Variants in RIN2 observed in about 807,000 individuals in gnomAD.
The protein encoded by RIN2 is RAB5 interacting protein 2.
In RIN2, 36 loss-of-function variants were observed where a neutral mutation model predicts 78.0. The observed-to-expected ratio is 0.46, with a 90% CI of 0.35 to 0.61. The LOEUF is 0.61. Ranked by LOEUF, RIN2 falls within the 20% of genes least tolerant of loss-of-function variation. The pLI is 0.00. For missense variants in RIN2, 1,087 were observed against 1,159.7 expected, an observed-to-expected ratio of 0.94 and a Z score of 0.91; for synonymous variants, 466 against 466.8, an observed-to-expected ratio of 1.00 and a Z score of 0.02.
At chr20:19,930,697 G>A (rs559101641) in intron 3 of RIN2, among the ~76,000 whole-genome samples, 1 of 152,122 alleles carries the variant, frequency 6.6e-6, no homozygotes, top group Non-Finnish European at 1.5e-5. Context: ...CCACAGCCAC[G>A]GTCCAGAATG....
At chr20:19,788,602 G>GAA (rs34183798) in intron 1 of RIN2, among the ~76,000 whole-genome samples, 1 of 121,862 alleles carries the variant, frequency 8.2e-6, no homozygotes. Flanking sequence ...ACTTTGTCTC[G>GAA]AAAAAAAAAA....
rs1190885243 is a variant in RIN2 at position 19,990,307 on chromosome 20, C to T, written c.2064C>T (p.Asn688=). The T allele has an allele frequency of 3.1e-6, 5 of 1,606,418 alleles. No individual in the cohort carries two copies. The highest frequency in any genetic ancestry group is 4.3e-6 in the Non-Finnish European group (5 of 1,174,202). Residue 688 remains asparagine (N), a synonymous_variant, in exon 10 of 13, where the codon AAC becomes AAT. Transcript: ENST00000255006. The part of the protein sequence containing the change: ...CKLIYTVMEN[N]SGRMYGADDF... ...TCATTTACACGGTCATGGAGAACAACTCAGGTGAGGCCGCTGGAAGCCCAG... is the reference window on the plus strand; with the variant it reads ...TCATTTACACGGTCATGGAGAACAATTCAGGTGAGGCCGCTGGAAGCCCAG...
intron 2 of RIN2, among the ~76,000 whole-genome samples, chr20:19,818,856 G>A (rs17299635): frequency 0.022 from 3,395 of 151,896 alleles, 53 homozygotes; most frequent in South Asian, 0.054. Flanking sequence ...AAAAGTAACC[G>A]AAACATTCAT....
At chr20:19,886,512 G>A (rs1054947036) in intron 2 of RIN2, 14 of 566,596 alleles carry the variant, frequency 2.5e-5, no homozygotes, top group Admixed American at 1.6e-4. Context: ...GACCAGCTCC[G>A]TTTACATTCT....
intron 2 of RIN2, among the ~76,000 whole-genome samples, chr20:19,822,633 ACACTAATGAG>A (rs1239147092): frequency 6.9e-6 from 1 of 145,744 alleles, no homozygotes; most frequent in Non-Finnish European, 1.5e-5. Context: ...TTACTGATTT[ACACTAATGAG>A]AGCAAAATAC....
intron 2 of RIN2, among the ~76,000 whole-genome samples, chr20:19,876,404 A>G (rs529846805): frequency 2.8e-4 from 42 of 152,324 alleles, no homozygotes; most frequent in African/African-American, 9.6e-4. Context: ...ATAATTCAAA[A>G]AAAGGGAAGA....
At chr20:19,773,358 T>A (rs1318368147) in intron 1 of RIN2, among the ~76,000 whole-genome samples, 1 of 152,152 alleles carries the variant, frequency 6.6e-6, no homozygotes, top group African/African-American at 2.4e-5. Flanking sequence ...ATTCAACCCA[T>A]AACTAGGTGT....
chr20:19,834,619 T>C (rs934985236), intron 2 of RIN2, among the ~76,000 whole-genome samples: 1 of 152,228 alleles, frequency 6.6e-6, no homozygotes, highest in African/African-American at 2.4e-5. Context: ...TTGGCTGTAT[T>C]TAGTCTTCAG....
intron 1 of RIN2, among the ~76,000 whole-genome samples, chr20:19,766,837 G>C (rs551855310): frequency 5.3e-5 from 8 of 151,830 alleles, no homozygotes; most frequent in African/African-American, 7.3e-5. Flanking sequence ...GCTTGAACCC[G>C]GGAGGCGGAG....
intron 3 of RIN2, among the ~76,000 whole-genome samples, chr20:19,907,262 C>T (rs2039260462): frequency 6.6e-6 from 1 of 152,208 alleles, no homozygotes; most frequent in South Asian, 2.1e-4. Context: ...ACCTATTTAC[C>T]TCCTAAAAGC....
intron 1 of RIN2, among the ~76,000 whole-genome samples, chr20:19,787,251 T>C (rs538741229): frequency 1.3e-5 from 2 of 151,780 alleles, no homozygotes; most frequent in African/African-American, 2.4e-5. Context: ...TGACACTCCA[T>C]CTCTACTAAA....
intron 1 of RIN2, among the ~76,000 whole-genome samples, chr20:19,764,777 G>A (rs2328451): frequency 0.94 from 142,577 of 152,148 alleles, 66,937 homozygotes; most frequent in East Asian, 1. Context: ...GTGGTTTATA[G>A]AGTAGGAACA....
chr20:19,844,669 C>CTTCTTCCTCTTCCTCTTCTT (rs1232176696), intron 2 of RIN2, among the ~76,000 whole-genome samples: 2 of 76,166 alleles, frequency 2.6e-5, no homozygotes, highest in African/African-American at 1.2e-4. Context: ...TCTTCTTCTT[C>CTTCTTCCTCTTCCTCTTCTT]CTTCTTCTTC....
At chr20:19,940,312 C>G (rs1042320661) in intron 4 of RIN2, among the ~76,000 whole-genome samples, 1 of 152,140 alleles carries the variant, frequency 6.6e-6, no homozygotes, top group Non-Finnish European at 1.5e-5. Context: ...GGTGCCAAGC[C>G]CCTTAGTGAT....
At chr20:19,886,834 G>T (rs1409905560) in intron 2 of RIN2, 6 of 1,090,956 alleles carry the variant, frequency 5.5e-6, no homozygotes, top group Non-Finnish European at 6.7e-6. Flanking sequence ...TTAGGATGAA[G>T]CTGCTGGGGT....
chr20:19,821,081 A>G (rs2035911600), intron 2 of RIN2, among the ~76,000 whole-genome samples: 1 of 152,074 alleles, frequency 6.6e-6, no homozygotes. Context: ...CTGGCTTTCT[A>G]CCAAGAGTTT....
At chr20:19,947,409 C>G (rs1005467490) in intron 4 of RIN2, among the ~76,000 whole-genome samples, 1 of 152,092 alleles carries the variant, frequency 6.6e-6, no homozygotes, top group Non-Finnish European at 1.5e-5. Flanking sequence ...ACCATTAGAG[C>G]TTTATTTTGT....
At chr20:19,771,579 G>C (rs776193309) in intron 1 of RIN2, among the ~76,000 whole-genome samples, 4 of 152,168 alleles carry the variant, frequency 2.6e-5, no homozygotes, top group Admixed American at 6.5e-5. Flanking sequence ...TCGGTCTCGA[G>C]GGGTCCAGCT....
chr20:19,962,908 G>T (rs2041812792), intron 6 of RIN2, among the ~76,000 whole-genome samples: 2 of 152,190 alleles, frequency 1.3e-5, no homozygotes, highest in Admixed American at 1.3e-4. Flanking sequence ...AGTGATCCGA[G>T]ATAGTGCCGT....
Sources: allele counts gnomAD v4.1 joint callset (sites outside exome capture counted in the v4.1 genomes callset), GRCh38; gene constraint gnomAD v4.1.1; transcripts MANE v1.5; gene names NCBI Gene and HGNC (gene_info 2026-07-23, HGNC 2026-07-21).